The following CSN1S1 variants were observed in gnomAD, a reference collection of about 807,000 sequenced individuals.
CSN1S1 encodes the protein casein alpha s1.
Under a neutral mutation model 49.1 loss-of-function variants are expected in CSN1S1, and 63 were observed. The ratio of observed to expected loss-of-function variants is 1.28; its 90% CI spans 1.05 to 1.58. CSN1S1 has a LOEUF of 1.58. Among genes scored for constraint, CSN1S1 ranks in the 40% most tolerant of loss-of-function variants. The pLI, the probability that CSN1S1 is intolerant of heterozygous loss-of-function variation, is 0.00. For missense variants in CSN1S1, 260 were observed against 224.7 expected (o/e 1.16, Z -1.01); for synonymous variants, 78 against 67.1 (o/e 1.16, Z -0.79).
intron 11 of CSN1S1, 67 bp downstream of exon 11, chr4:69,940,111 TCA>T (rs35000195): frequency 0.41 from 164,695 of 401,036 alleles, 31,800 homozygotes; most frequent in African/African-American, 0.45. Flanking sequence ...GCACTTACTT[TCA>T]CACACACACA....
At position 69,943,163 on chromosome 4, in the gene CSN1S1, ATATTATTATTATTATTATTAT is replaced by A. The variant is rs3078677; in HGVS notation, c.402+607_402+627del. Reference sequence around the variant, plus strand: ...TACTTGGTCTTAATTTTCCATGTGAATATTATTATTATTATTATTATTATTATTATTATTATTATTAGACAG... The same window carrying A: ...TACTTGGTCTTAATTTTCCATGTGAATATTATTATTATTATTATTAGACAG... On this transcript the variant is annotated intron_variant, in intron 14 of 15. Coordinates refer to ENST00000246891, the MANE Select transcript of CSN1S1 (RefSeq NM_001890.2). Among the ~76,000 whole-genome samples the A allele has an allele frequency of 3.4e-3, 490 of 144,868 alleles. 3 individuals carry two copies. Among genetic ancestry groups the A allele is most frequent in the South Asian group, 0.032 (147 of 4,544 alleles).
At chr4:69,937,734 A>G in intron 8 of CSN1S1, 66 bp from the exon 9 acceptor site, 3 of 1,236,064 alleles carry the variant, frequency 2.4e-6, no homozygotes, top group Non-Finnish European at 3.5e-6. Context: ...TTTATTTGGT[A>G]ATCATTACTT....
intron 4 of CSN1S1, 107 bp downstream of exon 4, chr4:69,934,817 CA>C (rs1722720595): frequency 1.1e-6 from 1 of 947,840 alleles, no homozygotes; most frequent in Admixed American, 2.3e-5. Flanking sequence ...TATTTCCCTT[CA>C]AATGCATCCA....
intron 5 of CSN1S1, 55 bp from the exon 6 acceptor site, chr4:69,936,401 C>A: frequency 7.7e-7 from 1 of 1,304,514 alleles, no homozygotes; most frequent in African/African-American, 1.5e-5. Context: ...TAGATTTCCA[C>A]TCATGTATGT....
intron 14 of CSN1S1, among the ~76,000 whole-genome samples, chr4:69,943,494 T>TA (rs1441682594): frequency 6.6e-5 from 10 of 152,010 alleles, no homozygotes; most frequent in African/African-American, 1.4e-4. Context: ...TAATTATTTT[T>TA]AAAAAAAGTG....
chr4:69,943,203 TAGAC>T (rs1198531280), intron 14 of CSN1S1, among the ~76,000 whole-genome samples: 4 of 143,372 alleles, frequency 2.8e-5, no homozygotes, highest in African/African-American at 1.0e-4. Context: ...TTATTATTAT[TAGAC>T]AGATTCTCAC....
intron 14 of CSN1S1, among the ~76,000 whole-genome samples, chr4:69,944,265 T>C (rs1335839967): frequency 1.3e-5 from 2 of 151,958 alleles, no homozygotes; most frequent in Non-Finnish European, 1.5e-5. Flanking sequence ...AAAAATTAAG[T>C]GTAATCTCAT....
chr4:69,938,751 T>C (rs1354078538), intron 9 of CSN1S1, among the ~76,000 whole-genome samples: 1 of 151,800 alleles, frequency 6.6e-6, no homozygotes, highest in Non-Finnish European at 1.5e-5. Context: ...TTGTGCATTG[T>C]ATTTAATGTT....
chr4:69,946,487 G>T lies in CSN1S1; in HGVS notation c.*291G>T, dbSNP rs1434231811. 5 of 185,174 alleles carry T rather than the reference G, an allele frequency of 2.7e-5. No homozygotes were observed. Among genetic ancestry groups the T allele is most frequent in the Non-Finnish European group, 4.4e-5 (4 of 90,004 alleles). The allele number at this position is 185,174 out of a possible 1,614,324, so 11.5% of individuals were successfully genotyped here. On this transcript the variant is annotated 3_prime_UTR_variant, in exon 16 of 16. Transcript: ENST00000246891. ...TGTTTAAAAAGTCTTTGAATTGCCAGTTCTGTAAGTGCCATCAATTAAAAT... is the reference window on the plus strand; with the variant it reads ...TGTTTAAAAAGTCTTTGAATTGCCATTTCTGTAAGTGCCATCAATTAAAAT...
chr4:69,942,684 C>T (rs1723015924), intron 14 of CSN1S1, 107 bp downstream of exon 14: 1 of 811,438 alleles, frequency 1.2e-6, no homozygotes, highest in African/African-American at 1.7e-5. Context: ...TCTTCTCAAA[C>T]ATTTCTCACT....
At chr4:69,934,333 T>G in intron 3 of CSN1S1, 89 bp downstream of exon 3, 1 of 1,293,878 alleles carries the variant, frequency 7.7e-7, no homozygotes, top group Non-Finnish European at 1.1e-6. Flanking sequence ...TGAAACAGCC[T>G]GCTTCACTTT....
At chr4:69,932,675 T>G in intron 2 of CSN1S1, 69 bp downstream of exon 2, 1 of 1,324,100 alleles carries the variant, frequency 7.6e-7, no homozygotes, top group Non-Finnish European at 1.1e-6. Flanking sequence ...TCATCAAACA[T>G]AGGATACCCA....
intron 14 of CSN1S1, among the ~76,000 whole-genome samples, chr4:69,943,184 T>C: frequency 6.7e-6 from 1 of 148,550 alleles, no homozygotes; most frequent in Non-Finnish European, 1.5e-5. Context: ...ATTATTATTA[T>C]TATTATTATT....
chr4:69,934,378 C>A, intron 3 of CSN1S1, 134 bp downstream of exon 3: 1 of 835,172 alleles, frequency 1.2e-6, no homozygotes, highest in Non-Finnish European at 1.9e-6. Flanking sequence ...CAAGCACTGT[C>A]AGATGGTATT....
intron 8 of CSN1S1, 31 bp from the exon 9 acceptor site, chr4:69,937,769 A>T: frequency 3.8e-6 from 6 of 1,565,032 alleles, no homozygotes; most frequent in Non-Finnish European, 4.3e-6. Context: ...TTGTCATGAA[A>T]AATGAAATTG....
intron 14 of CSN1S1, among the ~76,000 whole-genome samples, chr4:69,944,368 GA>G (rs1466567650): frequency 6.6e-6 from 1 of 151,924 alleles, no homozygotes; most frequent in Non-Finnish European, 1.5e-5. Context: ...AGTGGCCTAG[GA>G]ATTAAAGAAT....
intron 4 of CSN1S1, among the ~76,000 whole-genome samples, chr4:69,935,675 G>A (rs184016723): frequency 1.3e-5 from 2 of 152,074 alleles, no homozygotes; most frequent in East Asian, 3.9e-4. Flanking sequence ...ATTTTAATTT[G>A]TACCTAAACG....
intron 5 of CSN1S1, 31 bp downstream of exon 5, chr4:69,935,980 A>G (rs1318615553): frequency 1.3e-6 from 2 of 1,512,036 alleles, no homozygotes; most frequent in African/African-American, 2.8e-5. Context: ...TTTACCGTGC[A>G]ATTAACAAAG....
At chr4:69,932,122 T>A (rs1301032439) in intron 1 of CSN1S1, among the ~76,000 whole-genome samples, 1 of 151,906 alleles carries the variant, frequency 6.6e-6, no homozygotes, top group Non-Finnish European at 1.5e-5. Context: ...AAAATTAAAT[T>A]CCAGTTCTCA....
Sources: allele counts gnomAD v4.1 joint callset (sites outside exome capture counted in the v4.1 genomes callset), GRCh38; gene constraint gnomAD v4.1.1; transcripts MANE v1.5; gene names NCBI Gene and HGNC (gene_info 2026-07-23, HGNC 2026-07-21).